The following TACR3 variants were observed in gnomAD, a reference collection of about 807,000 sequenced individuals.
TACR3 encodes the protein tachykinin receptor 3, also known as neuromedin-K receptor.
Under a neutral mutation model 35.0 loss-of-function variants are expected in TACR3, and 34 were observed. That is an observed-to-expected ratio of 0.97 (90% CI 0.74 to 1.30). The LOEUF is 1.30. Ranked by LOEUF, TACR3 falls within the 50% of genes most tolerant of loss-of-function variation. The pLI, the probability that TACR3 is intolerant of heterozygous loss-of-function variation, is 0.00. For synonymous variants in TACR3, 233 were observed against 221.1 expected, an observed-to-expected ratio of 1.05 and a Z score of -0.48; for missense variants, 558 against 591.7, an observed-to-expected ratio of 0.94 and a Z score of 0.59.
chr4:103,662,062 A>G (rs892715125), intron 1 of TACR3, among the ~76,000 whole-genome samples: 2 of 152,184 alleles, frequency 1.3e-5, no homozygotes, highest in Non-Finnish European at 2.9e-5. Flanking sequence ...ACATGAACTG[A>G]GAAAAATGTA....
At chr4:103,686,968 C>T (rs1027136834) in intron 1 of TACR3, among the ~76,000 whole-genome samples, 5 of 152,156 alleles carry the variant, frequency 3.3e-5, no homozygotes, top group African/African-American at 9.7e-5. Flanking sequence ...GACCAATGTC[C>T]TTGATGAACA....
chr4:103,705,255 G>A lies in TACR3; in HGVS notation c.548+13873C>T, dbSNP rs114650113. Among the ~76,000 whole-genome samples the A allele has an allele frequency of 5.5e-3, 844 of 152,150 alleles. 8 individuals are homozygous for A. Among genetic ancestry groups the A allele is most frequent in the African/African-American group, 0.019 (783 of 41,506 alleles). ...AAATACTAATTGATAATTTTAAACTGTAAAAATTGCAATTTCATAAAAAAT... is the reference window on the plus strand; with the variant it reads ...AAATACTAATTGATAATTTTAAACTATAAAAATTGCAATTTCATAAAAAAT... On this transcript the variant is annotated intron_variant, in intron 1 of 4. Coordinates refer to ENST00000304883, the MANE Select transcript of TACR3 (RefSeq NM_001059.3).
intron 3 of TACR3, among the ~76,000 whole-genome samples, chr4:103,592,092 T>C (rs1367911295): frequency 1.3e-5 from 2 of 152,176 alleles, no homozygotes; most frequent in Non-Finnish European, 2.9e-5. Context: ...GGAGGTTTAC[T>C]AGGCTGCTAG....
intron 1 of TACR3, among the ~76,000 whole-genome samples, chr4:103,666,885 C>T (rs1237209087): frequency 6.6e-6 from 1 of 152,138 alleles, no homozygotes; most frequent in East Asian, 1.9e-4. Flanking sequence ...TCTATATTGT[C>T]TCAAAAACCA....
chr4:103,615,768 A>C (rs1453068359), intron 3 of TACR3, among the ~76,000 whole-genome samples: 3 of 152,218 alleles, frequency 2.0e-5, no homozygotes, highest in Admixed American at 1.3e-4. Context: ...ACAGACTCTA[A>C]TGGCAATTTA....
intron 1 of TACR3, among the ~76,000 whole-genome samples, chr4:103,690,761 A>T (rs1722385718): frequency 1.3e-5 from 2 of 152,152 alleles, no homozygotes; most frequent in South Asian, 4.1e-4. Flanking sequence ...ATAGACAAAG[A>T]TGTATTTATT....
chr4:103,598,619 T>C (rs915656095), intron 3 of TACR3, among the ~76,000 whole-genome samples: 1 of 152,172 alleles, frequency 6.6e-6, no homozygotes, highest in African/African-American at 2.4e-5. Flanking sequence ...CCATCTTGAA[T>C]TGATTTTTAT....
At chr4:103,605,598 A>T (rs1367922842) in intron 3 of TACR3, among the ~76,000 whole-genome samples, 1 of 151,756 alleles carries the variant, frequency 6.6e-6, no homozygotes, top group African/African-American at 2.4e-5. Flanking sequence ...ACATTTTTTC[A>T]TGTGTTTTTT....
chr4:103,700,045 G>A (rs1203890774), intron 1 of TACR3, among the ~76,000 whole-genome samples: 1 of 152,132 alleles, frequency 6.6e-6, no homozygotes, highest in Non-Finnish European at 1.5e-5. Flanking sequence ...CAAGGTACTT[G>A]AGAAATATCT....
At chr4:103,715,034 C>G (rs1186618900) in intron 1 of TACR3, among the ~76,000 whole-genome samples, 1 of 152,158 alleles carries the variant, frequency 6.6e-6, no homozygotes, top group African/African-American at 2.4e-5. Flanking sequence ...CATTACTATT[C>G]TTACACAGTT....
intron 3 of TACR3, among the ~76,000 whole-genome samples, chr4:103,601,634 T>C (rs539426816): frequency 1.6e-4 from 24 of 152,302 alleles, no homozygotes; most frequent in African/African-American, 5.1e-4. Context: ...TTATTTCTCC[T>C]TCACTTATGA....
chr4:103,650,267 C>G (rs1331016009), intron 3 of TACR3, among the ~76,000 whole-genome samples: 1 of 151,698 alleles, frequency 6.6e-6, no homozygotes, highest in Non-Finnish European at 1.5e-5. Flanking sequence ...GCCACCACCA[C>G]TGGAACTGCA....
At chr4:103,618,419 G>A (rs6850739) in intron 3 of TACR3, among the ~76,000 whole-genome samples, 33,259 of 151,856 alleles carry the variant, frequency 0.22, 3,868 homozygotes, top group Middle Eastern at 0.33. Flanking sequence ...TGAGTTTTCT[G>A]TTCTCTTCCA....
intron 3 of TACR3, among the ~76,000 whole-genome samples, chr4:103,599,200 T>C (rs1306185616): frequency 6.6e-6 from 1 of 152,224 alleles, no homozygotes; most frequent in Non-Finnish European, 1.5e-5. Context: ...CTAGGTATTT[T>C]ATTTTCTTTG....
chr4:103,629,845 C>CAAAAAA (rs1487546451), intron 3 of TACR3, among the ~76,000 whole-genome samples: 2 of 59,546 alleles, frequency 3.4e-5, no homozygotes, highest in Non-Finnish European at 6.3e-5. Context: ...CAATCCTAAG[C>CAAAAAA]AAAACAAAAA....
intron 3 of TACR3, chr4:103,593,139 A>C (rs1184062653): frequency 6.6e-6 from 1 of 152,162 alleles, no homozygotes; most frequent in African/African-American, 2.4e-5. Flanking sequence ...AAATGATTTA[A>C]TTTACATTTA....
At chr4:103,607,950 A>T (rs1003426164) in intron 3 of TACR3, among the ~76,000 whole-genome samples, 3 of 152,108 alleles carry the variant, frequency 2.0e-5, no homozygotes, top group Non-Finnish European at 2.9e-5. Context: ...ATAAGAAATG[A>T]TCGTTTCCAT....
intron 1 of TACR3, among the ~76,000 whole-genome samples, chr4:103,692,076 G>C (rs576273857): frequency 1.3e-5 from 2 of 152,010 alleles, no homozygotes; most frequent in African/African-American, 4.8e-5. Context: ...GGACCGAGCT[G>C]GTCCCAGCAT....
At chr4:103,686,965 G>A (rs1039009791) in intron 1 of TACR3, among the ~76,000 whole-genome samples, 1 of 152,106 alleles carries the variant, frequency 6.6e-6, no homozygotes, top group Non-Finnish European at 1.5e-5. Context: ...TTAGACCAAT[G>A]TCCTTGATGA....
Sources: gnomAD v4.1 joint callset for allele counts (sites outside exome capture counted in the v4.1 genomes callset) on GRCh38, gnomAD v4.1.1 for gene constraint, MANE v1.5 for transcripts, NCBI Gene and HGNC (gene_info 2026-07-23, HGNC 2026-07-21) for gene names.